The following TOP3A variants were observed in gnomAD, a reference collection of about 807,000 sequenced individuals.
The protein encoded by TOP3A is DNA topoisomerase 3-alpha.
Under a neutral mutation model 111.3 loss-of-function variants are expected in TOP3A, and 64 were observed. That is an observed-to-expected ratio of 0.57 (90% confidence interval 0.47 to 0.71). TOP3A has a LOEUF of 0.71. TOP3A is among the 30% of genes least tolerant of loss of function. TOP3A has a pLI of 0.00. For synonymous variants in TOP3A, 484 were observed against 485.1 expected (o/e 1.00, Z 0.03); for missense variants, 1,104 against 1,285.0 (o/e 0.86, Z 2.15).
intron 11 of TOP3A, among the ~76,000 whole-genome samples, chr17:18,291,358 GC>G (rs755285088): frequency 3.9e-5 from 6 of 152,222 alleles, no homozygotes; most frequent in Non-Finnish European, 7.3e-5. Context: ...ACAAGAGACA[GC>G]AACATTGCAC....
intron 5 of TOP3A, among the ~76,000 whole-genome samples, chr17:18,304,041 T>G (rs547214859): frequency 6.6e-6 from 1 of 152,192 alleles, no homozygotes; most frequent in Non-Finnish European, 1.5e-5. Flanking sequence ...CTCGGCTCAC[T>G]GCAACCTCTG....
At position 18,314,671 on chromosome 17, in the gene TOP3A, G is replaced by A. The variant is rs1982140424; in HGVS notation, c.108C>T (p.Val36=). 4 of 1,613,514 alleles carry A rather than the reference G, an allele frequency of 2.5e-6. No homozygotes were observed. The highest frequency in any genetic ancestry group is 3.4e-6 in the Non-Finnish European group (4 of 1,179,756). The change falls in exon 1 of 19, where the codon GTC becomes GTT. Residue 36 remains valine (V), a synonymous_variant. Transcript: ENST00000321105. ...MEMALRGVRK[V]LCVAEKNDAA... is the part of the protein sequence containing the mutation. ...CGTCGTTTTTTTCGGCCACACAGAG[G>A]ACTTTCCGCACGCCTCGGAGGGCCA...
intron 17 of TOP3A, among the ~76,000 whole-genome samples, chr17:18,278,648 GGT>G (rs1979561753): frequency 1.3e-5 from 2 of 152,164 alleles, no homozygotes; most frequent in African/African-American, 4.8e-5. Context: ...CTCCAAGTGT[GGT>G]TCCAGGGTGC....
chr17:18,277,737 C>T lies in TOP3A; in HGVS notation c.2765G>A (p.Cys922Tyr). 2.5e-6 allele frequency: 4 copies of T among 1,614,150 alleles called. No homozygotes were observed. Among genetic ancestry groups the T allele is most frequent in the Non-Finnish European group, 3.4e-6 (4 of 1,179,984 alleles). Residue 922 changes from cysteine (C) to tyrosine (Y), a missense_variant, in exon 18 of 19, where the codon TGT (cysteine) becomes TAT (tyrosine). Transcript: ENST00000321105. ...GPNKGRQFHT[C>Y]AKPREQQCGF... is the part of the protein sequence containing the mutation. ...ACACTGCTGCTCTCTCGGCTTGGCA[C>T]ATGTGTGGAACTGGCGCCCCTTGTT...
chr17:18,314,838 G>GATTTTA lies in TOP3A; in HGVS notation c.-61_-60insTAAAAT. The GATTTTA allele has an allele frequency of 7.2e-7, 1 of 1,395,088 alleles. No individual in the cohort carries two copies. The highest frequency in any genetic ancestry group is 9.4e-7 in the Non-Finnish European group (1 of 1,067,416). The allele number at this position is 1,395,088 out of a possible 1,614,324, so 86.4% of individuals were successfully genotyped here. On this transcript the variant is annotated 5_prime_UTR_variant, in exon 1 of 19. Transcript: ENST00000321105. ...GCCGGCGCATCCTGGGGAAGCCAGA[G>GATTTTA]ATGAGGCTCAAATGGCGCCCACCGA...
chr17:18,299,520 T>C (rs528024236), intron 9 of TOP3A, 39 bp downstream of exon 9: 1 of 1,588,210 alleles, frequency 6.3e-7, no homozygotes, highest in African/African-American at 1.3e-5. Flanking sequence ...AAACAGTAAG[T>C]GTTCCCCGAG....
rs1202025826 is a variant in TOP3A at position 18,272,100 on chromosome 17, T to C, written c.*2702A>G. ...TAAAAAATAAAAAATAAAAAATGGG[T>C]GAAGAACTTAAATCGACATTCTCCA... On this transcript the variant is annotated 3_prime_UTR_variant, in exon 19 of 19. Transcript: ENST00000321105. Among the ~76,000 whole-genome samples, 1 of 151,576 alleles carries C rather than the reference T, an allele frequency of 6.6e-6. No homozygotes were observed. Among genetic ancestry groups the C allele is most frequent in the Non-Finnish European group, 1.5e-5 (1 of 67,888 alleles).
intron 11 of TOP3A, 23 bp from the exon 12 acceptor site, chr17:18,291,050 A>C: frequency 6.2e-7 from 1 of 1,609,906 alleles, no homozygotes; most frequent in East Asian, 2.2e-5. Context: ...GAGGAGTACG[A>C]AACTCCCCCT....
intron 9 of TOP3A, among the ~76,000 whole-genome samples, chr17:18,296,983 C>T (rs750511742): frequency 1.2e-4 from 19 of 152,098 alleles, no homozygotes; most frequent in Non-Finnish European, 2.5e-4. Context: ...GGAAAAGCTA[C>T]TCTAATTATA....
rs186870087 is a variant in TOP3A at position 18,271,484 on chromosome 17, A to G, written c.*3318T>C. The stretch of plus-strand genomic sequence containing the variant: ...GCCTGACCGTAAGCCTTCACTAGAG[A>G]GCCTCAATATGAACAAGGACACCCC... On this transcript the variant is annotated 3_prime_UTR_variant, in exon 19 of 19. Coordinates refer to ENST00000321105, the MANE Select transcript of TOP3A (RefSeq NM_004618.5). The G allele has an allele frequency of 6.1e-6, 1 of 163,198 alleles. No homozygotes were observed. The highest frequency in any genetic ancestry group is 1.9e-4 in the East Asian group (1 of 5,224). The allele number at this position is 163,198 out of a possible 1,614,324, so 10.1% of individuals were successfully genotyped here. A position where few individuals can be genotyped will look rare whatever the true frequency, so the allele number is the denominator to read the frequency against.
At chr17:18,285,114 C>G in intron 15 of TOP3A, 28 bp downstream of exon 15, 2 of 1,608,396 alleles carry the variant, frequency 1.2e-6, no homozygotes, top group Non-Finnish European at 1.7e-6. Context: ...CATAGTGAGA[C>G]CCCTCTGTAT....
intron 16 of TOP3A, 81 bp from the exon 17 acceptor site, chr17:18,280,739 C>T: frequency 1.3e-6 from 2 of 1,513,974 alleles, no homozygotes; most frequent in Non-Finnish European, 1.8e-6. Context: ...GCAGCCTTTC[C>T]TCAGCTGCCC....
intron 1 of TOP3A, among the ~76,000 whole-genome samples, chr17:18,309,709 CTT>C (rs749580212): frequency 1.8e-4 from 23 of 128,716 alleles, no homozygotes; most frequent in Non-Finnish European, 1.1e-4. Context: ...TATAGAAGTT[CTT>C]TTTTTTTTTT....
chr17:18,294,256 A>C (rs55793748), intron 10 of TOP3A, among the ~76,000 whole-genome samples: 17,112 of 152,262 alleles, frequency 0.11, 1,067 homozygotes, highest in South Asian at 0.18. Context: ...GTCAAAGTCA[A>C]AATCCTACCT....
At chr17:18,295,769 C>T (rs888115666) in intron 9 of TOP3A, among the ~76,000 whole-genome samples, 8 of 146,542 alleles carry the variant, frequency 5.5e-5, no homozygotes, top group Admixed American at 4.1e-4. Flanking sequence ...CAGAAATCTA[C>T]ATTTTTTTTT....
intron 9 of TOP3A, 50 bp from the exon 10 acceptor site, chr17:18,294,835 G>GCACAACTCAAATA (rs766784185): frequency 7.9e-7 from 1 of 1,260,158 alleles, no homozygotes; most frequent in Non-Finnish European, 1.2e-6. Flanking sequence ...GGGTCAGGCA[G>GCACAACTCAAATA]CACAACTCAA....
chr17:18,299,691 TC>T (rs1309167206), intron 8 of TOP3A, 58 bp from the exon 9 acceptor site: 1 of 1,479,294 alleles, frequency 6.8e-7, no homozygotes, highest in Non-Finnish European at 9.5e-7. Context: ...TCTCCATCCT[TC>T]CTATGGATAG....
chr17:18,283,521 G>A (rs2142945688), intron 15 of TOP3A, among the ~76,000 whole-genome samples: 1 of 152,248 alleles, frequency 6.6e-6, no homozygotes, highest in Admixed American at 6.5e-5. Context: ...TTCTATTACA[G>A]TCTCACAACA....
chr17:18,304,972 C>T, intron 5 of TOP3A, 140 bp downstream of exon 5: 1 of 727,002 alleles, frequency 1.4e-6, no homozygotes, highest in Non-Finnish European at 2.5e-6. Flanking sequence ...CTCCAGGACA[C>T]ATGGCTGGTG....
Sources: gnomAD v4.1 joint callset for allele counts (sites outside exome capture counted in the v4.1 genomes callset) on GRCh38, gnomAD v4.1.1 for gene constraint, MANE v1.5 for transcripts, NCBI Gene and HGNC (gene_info 2026-07-23, HGNC 2026-07-21) for gene names.